APAF1: variants seen among roughly 807,000 people sequenced by gnomAD.
APAF1 encodes apoptotic protease-activating factor 1.
APAF1 carries 91 observed loss-of-function variants against 152.4 expected under a neutral mutation model. The ratio of observed to expected loss-of-function variants is 0.60; its 90% CI spans 0.50 to 0.71. The LOEUF is 0.71. APAF1 is among the 30% of genes least tolerant of loss of function. The pLI, the probability that APAF1 is intolerant of heterozygous loss-of-function variation, is 0.00. For synonymous variants in APAF1, 484 were observed against 494.1 expected (o/e 0.98, Z 0.27); for missense variants, 1,283 against 1,472.0 (o/e 0.87, Z 2.10).
At position 98,665,678 on chromosome 12, in the gene APAF1, T is replaced by A. The variant is rs779653660; in HGVS notation, c.1081T>A (p.Tyr361Asn). 7 of 1,613,982 alleles carry A rather than the reference T, an allele frequency of 4.3e-6. No homozygotes were observed. The highest frequency in any genetic ancestry group is 5.9e-6 in the Non-Finnish European group (7 of 1,179,916). ...AATAAGGAAATCTTCGTCTTATGAT[T>A]ATGAGGCTCTAGATGAAGCCATGTC... ...KRIRKSSSYDYEALDEAMSIS... is the reference protein window; with the variant it reads ...KRIRKSSSYDNEALDEAMSIS... The change falls in exon 8 of 27, where the codon TAT becomes AAT. Residue 361 changes from tyrosine to asparagine, a missense_variant. Transcript: ENST00000551964.
At chr12:98,673,442 C>CAAAAAAAAAAAAAA (rs1162049645) in intron 12 of APAF1, among the ~76,000 whole-genome samples, 1 of 89,258 alleles carries the variant, frequency 1.1e-5, no homozygotes. Flanking sequence ...TCTCAAAAAA[C>CAAAAAAAAAAAAAA]AAAAAAAAAA....
chr12:98,731,218 A>G (rs1052401674), intron 26 of APAF1, among the ~76,000 whole-genome samples: 1 of 152,184 alleles, frequency 6.6e-6, no homozygotes, highest in Non-Finnish European at 1.5e-5. Flanking sequence ...CAGATTTCCC[A>G]TATACCCCTT....
chr12:98,699,376 A>G, intron 16 of APAF1, 32 bp from the exon 17 acceptor site: 1 of 1,605,992 alleles, frequency 6.2e-7, no homozygotes, highest in Non-Finnish European at 8.5e-7. Flanking sequence ...GAGTAAAACA[A>G]ACTTTTTCTT....
intron 26 of APAF1, 130 bp downstream of exon 26, chr12:98,727,446 C>A: frequency 9.7e-7 from 1 of 1,028,272 alleles, no homozygotes. Flanking sequence ...ACTCCGGAGG[C>A]TAAGGTGGGA....
At chr12:98,667,106 A>G (rs2097673844) in intron 9 of APAF1, among the ~76,000 whole-genome samples, 1 of 149,022 alleles carries the variant, frequency 6.7e-6, no homozygotes, top group African/African-American at 2.5e-5. Flanking sequence ...CTGTATATAT[A>G]TATGTATTTT....
intron 4 of APAF1, among the ~76,000 whole-genome samples, chr12:98,654,130 T>C (rs1221460289): frequency 6.6e-6 from 1 of 152,224 alleles, no homozygotes; most frequent in Non-Finnish European, 1.5e-5. Flanking sequence ...TTAGATTCTT[T>C]CTGAAATGTG....
chr12:98,730,255 A>G (rs568884757), intron 26 of APAF1, among the ~76,000 whole-genome samples: 118 of 152,338 alleles, frequency 7.7e-4, no homozygotes, highest in African/African-American at 2.8e-3. Context: ...CTTTAGTGTA[A>G]AGATAAACTA....
At chr12:98,660,943 A>G (rs1347623557) in intron 5 of APAF1, among the ~76,000 whole-genome samples, 1 of 152,164 alleles carries the variant, frequency 6.6e-6, no homozygotes, top group Non-Finnish European at 1.5e-5. Context: ...ATTCTGATGC[A>G]TATTCGTTAT....
intron 16 of APAF1, among the ~76,000 whole-genome samples, chr12:98,689,778 G>C (rs2097702270): frequency 6.6e-6 from 1 of 152,130 alleles, no homozygotes; most frequent in Admixed American, 6.5e-5. Context: ...TCTTCAGAAA[G>C]TGTTCTCTTA....
chr12:98,727,235 T>C lies in APAF1; in HGVS notation c.3519T>C (p.Ala1173=). 1.2e-6 allele frequency: 2 copies of C among 1,614,168 alleles called. No individual in the cohort carries two copies. The highest frequency in any genetic ancestry group is 1.1e-5 in the South Asian group (1 of 91,090). Residue 1173 remains alanine (A), a synonymous_variant, in exon 26 of 27, where the codon GCT becomes GCC. Transcript: ENST00000551964. ...HLCAPLSEEG[A]ATHGGWVTDL... ...GTGCTCCGCTTTCAGAAGAAGGAGC[T>C]GCTACCCATGGAGGCTGGGTGACTG...
chr12:98,662,107 A>C (rs148551763), intron 5 of APAF1, among the ~76,000 whole-genome samples: 31 of 149,046 alleles, frequency 2.1e-4, no homozygotes, highest in African/African-American at 7.4e-4. Context: ...GTGCTTAAAG[A>C]CTGAGTTGGA....
chr12:98,659,781 A>G (rs867783856), intron 5 of APAF1, among the ~76,000 whole-genome samples: 3 of 143,668 alleles, frequency 2.1e-5, no homozygotes, highest in Admixed American at 6.8e-5. Context: ...AAGAGAGAGA[A>G]AGAAAGAAAG....
intron 26 of APAF1, among the ~76,000 whole-genome samples, chr12:98,731,717 G>A (rs1362568225): frequency 6.6e-6 from 1 of 152,126 alleles, no homozygotes; most frequent in African/African-American, 2.4e-5. Flanking sequence ...AAGTTTACAT[G>A]TATTGTCTCT....
intron 22 of APAF1, among the ~76,000 whole-genome samples, chr12:98,716,860 A>G (rs568756427): frequency 6.6e-6 from 1 of 151,248 alleles, no homozygotes; most frequent in East Asian, 2.0e-4. Flanking sequence ...AGTGTGCTTT[A>G]TGTTTTTTTC....
rs1285208826 is a variant in APAF1, at chr12:98,671,657, T to A, written c.1731T>A (p.Tyr577Ter). Residue 577 changes from tyrosine to a stop codon, truncating the protein, a stop_gained, in exon 12 of 27, where the codon TAT becomes TAA. Coordinates refer to ENST00000551964, the MANE Select transcript of APAF1 (RefSeq NM_181861.2). LOFTEE classifies it high-confidence loss of function. ...GLCEPETSEV[Y>*]QQAKLQAKQE... Reference sequence around the variant, plus strand: ...GTGAGCCGGAAACTTCAGAAGTTTATCAGCAAGCTAAGCTGCAGGCCAAGC... The same window carrying A: ...GTGAGCCGGAAACTTCAGAAGTTTAACAGCAAGCTAAGCTGCAGGCCAAGC... 6.2e-7 allele frequency: 1 copy of A among 1,613,948 alleles called. No individual in the cohort carries two copies. Among genetic ancestry groups the A allele is most frequent in the Non-Finnish European group, 8.5e-7 (1 of 1,180,022 alleles).
At chr12:98,706,179 A>T (rs2097721205) in intron 18 of APAF1, among the ~76,000 whole-genome samples, 1 of 152,048 alleles carries the variant, frequency 6.6e-6, no homozygotes, top group African/African-American at 2.4e-5. Context: ...TATCCTAGAG[A>T]TTTGTCGTCA....
intron 18 of APAF1, among the ~76,000 whole-genome samples, chr12:98,705,709 C>T (rs1395425565): frequency 6.6e-6 from 1 of 152,036 alleles, no homozygotes. Flanking sequence ...GCATGAATAA[C>T]AAGAGAAATG....
rs1382096222 is a variant in APAF1 at position 98,680,274 on chromosome 12, C to T, written c.1921-3C>T. 6.3e-7 allele frequency: 1 copy of T among 1,593,594 alleles called. No homozygotes were observed. Among genetic ancestry groups the T allele is most frequent in the South Asian group, 1.1e-5 (1 of 88,918 alleles). ...AAAAAATATTTTATTGTTACTTGTG[C>T]AGGTGTTCAAAGCTGAAACAGGAGA... On this transcript the variant is annotated splice_region_variant and splice_polypyrimidine_tract_variant and intron_variant, in intron 13 of 26. Coordinates refer to ENST00000551964, the MANE Select transcript of APAF1 (RefSeq NM_181861.2).
At chr12:98,727,998 TAAA>T (rs1378462165) in intron 26 of APAF1, among the ~76,000 whole-genome samples, 4 of 143,806 alleles carry the variant, frequency 2.8e-5, no homozygotes, top group African/African-American at 1.0e-4. Flanking sequence ...AAAAAATAAA[TAAA>T]AAGGAAAAGA....
Sources: allele counts gnomAD v4.1 joint callset (sites outside exome capture counted in the v4.1 genomes callset), GRCh38; gene constraint gnomAD v4.1.1; transcripts MANE v1.5; gene names NCBI Gene and HGNC (gene_info 2026-07-23, HGNC 2026-07-21).